Variants in AGBL4 observed in about 807,000 individuals in gnomAD.
AGBL4 encodes the protein AGBL carboxypeptidase 4, also known as cytosolic carboxypeptidase 6.
A neutral mutation model predicts 66.4 loss-of-function variants in AGBL4; 58 were observed. That is an observed-to-expected ratio of 0.87 (90% CI 0.71 to 1.09). The LOEUF is 1.09. Ranked by LOEUF, AGBL4 falls within the 50% of genes least tolerant of loss-of-function variation. AGBL4 has a pLI of 0.00. For missense variants in AGBL4, 579 were observed against 631.0 expected, an observed-to-expected ratio of 0.92 and a Z score of 0.88; for synonymous variants, 234 against 222.9, an observed-to-expected ratio of 1.05 and a Z score of -0.44.
intron 3 of AGBL4, among the ~76,000 whole-genome samples, chr1:49,422,414 T>C (rs1335985802): frequency 6.6e-6 from 1 of 152,234 alleles, no homozygotes; most frequent in Non-Finnish European, 1.5e-5. Flanking sequence ...ATTTTCTTTC[T>C]GAATAAAGTT....
intron 4 of AGBL4, among the ~76,000 whole-genome samples, chr1:49,193,679 C>T (rs1224086647): frequency 4.6e-5 from 7 of 151,612 alleles, no homozygotes; most frequent in Non-Finnish European, 1.0e-4. Flanking sequence ...AGGTGCCCGC[C>T]ACCGTGCCAG....
intron 4 of AGBL4, among the ~76,000 whole-genome samples, chr1:49,056,513 T>A (rs1444877184): frequency 6.6e-6 from 1 of 152,108 alleles, no homozygotes; most frequent in East Asian, 1.9e-4. Context: ...ACAGCAAGCA[T>A]AAAGGTCCAA....
Position 49,621,916 on chromosome 1 carries a change from T to G in AGBL4, c.282+75397A>C, listed in dbSNP as rs567417875. Among the ~76,000 whole-genome samples, 3 of 152,336 alleles carry G rather than the reference T, an allele frequency of 2.0e-5. No homozygotes were observed. The South Asian group carries it at 6.2e-4, about 32-fold the overall frequency. ...GAAACTAATAAAAGGCACATTACTG[T>G]TCTCTTCAGTCCTTTATACTCTTTC... is the stretch of plus-strand genomic sequence containing the variant. On this transcript the variant is annotated intron_variant, in intron 3 of 13. Transcript: ENST00000371839.
At chr1:48,711,058 A>T (rs1646959776) in intron 6 of AGBL4, among the ~76,000 whole-genome samples, 1 of 151,532 alleles carries the variant, frequency 6.6e-6, no homozygotes, top group Non-Finnish European at 1.5e-5. Flanking sequence ...CCTACTGCTC[A>T]CCCCTGATCA....
chr1:48,895,983 G>A (rs887885499), intron 5 of AGBL4, among the ~76,000 whole-genome samples: 1 of 152,180 alleles, frequency 6.6e-6, no homozygotes, highest in Admixed American at 6.5e-5. Context: ...TGTAGTATTG[G>A]AACTAAGTGT....
chr1:49,127,771 T>C (rs1645796491), intron 4 of AGBL4, among the ~76,000 whole-genome samples: 2 of 152,110 alleles, frequency 1.3e-5, no homozygotes, highest in South Asian at 4.1e-4. Flanking sequence ...AAACTATCCG[T>C]AGAGTAAAAA....
intron 1 of AGBL4, among the ~76,000 whole-genome samples, chr1:49,926,895 G>A (rs1571885833): frequency 6.6e-6 from 1 of 152,098 alleles, no homozygotes; most frequent in Non-Finnish European, 1.5e-5. Context: ...TTATTAAGGA[G>A]TATTAATTCA....
At chr1:49,640,065 T>A (rs1407822001) in intron 3 of AGBL4, among the ~76,000 whole-genome samples, 4 of 152,124 alleles carry the variant, frequency 2.6e-5, no homozygotes. Flanking sequence ...AGTGGGGCCA[T>A]CCTCACTGAA....
intron 4 of AGBL4, among the ~76,000 whole-genome samples, chr1:49,125,525 A>G (rs760184409): frequency 8.5e-5 from 13 of 152,196 alleles, no homozygotes; most frequent in Non-Finnish European, 1.6e-4. Context: ...TATATGGAAC[A>G]TAATTAGGAT....
At chr1:49,223,642 G>C (rs556425432) in intron 4 of AGBL4, among the ~76,000 whole-genome samples, 11 of 152,108 alleles carry the variant, frequency 7.2e-5, no homozygotes, top group African/African-American at 2.4e-4. Context: ...TTGGGTATGC[G>C]ACCCTTCTAA....
Position 49,184,599 on chromosome 1 carries a change from G to C in AGBL4, c.377+61171C>G, listed in dbSNP as rs562031997. 2.3e-4 allele frequency among the ~76,000 whole-genome samples: 35 copies of C among 152,308 alleles called. 1 individual carries two copies. In the South Asian group the frequency reaches 7.2e-3, roughly 32 times the overall value. On this transcript the variant is annotated intron_variant, in intron 4 of 13. Transcript: ENST00000371839. ...GAACCCCGATACTAATTAGGGCAAA[G>C]ATGTCTCTCCCTAGACAAAGTCAGG...
intron 6 of AGBL4, among the ~76,000 whole-genome samples, chr1:48,753,623 T>G (rs1458026871): frequency 6.6e-6 from 1 of 152,216 alleles, no homozygotes; most frequent in Non-Finnish European, 1.5e-5. Context: ...CAGGCCACAA[T>G]GGCTTTCTCC....
In AGBL4 at chr1:49,953,579, C is replaced by T. The variant is rs201625725; in HGVS notation, c.34+70184G>A. ...GTTGAGCACGCTTAATCCAAAAATC[C>T]GAAATCCTCCAAAACTGAAACTCTA... On this transcript the variant is annotated intron_variant, in intron 1 of 13. Transcript: ENST00000371839. Among the ~76,000 whole-genome samples the T allele has an allele frequency of 5.3e-5, 8 of 151,588 alleles. No homozygotes were observed. The East Asian group carries it at 1.2e-3, about 22-fold the overall frequency.
chr1:49,644,909 T>A (rs527313740), intron 3 of AGBL4, among the ~76,000 whole-genome samples: 1 of 151,606 alleles, frequency 6.6e-6, no homozygotes, highest in African/African-American at 2.4e-5. Context: ...ACATCAAGGA[T>A]TCAAATCAAG....
intron 6 of AGBL4, among the ~76,000 whole-genome samples, chr1:48,683,296 G>A (rs1646482748): frequency 6.6e-6 from 1 of 152,202 alleles, no homozygotes; most frequent in African/African-American, 2.4e-5. Flanking sequence ...TCCAGCTCCG[G>A]AGAGAAACTC....
rs189998136 is a variant in AGBL4 at position 49,030,200 on chromosome 1, C to T, written c.594+15384G>A. Among the ~76,000 whole-genome samples, 277 of 152,094 alleles carry T rather than the reference C, an allele frequency of 1.8e-3. 2 individuals carry two copies. The highest frequency in any genetic ancestry group is 6.3e-3 in the African/African-American group (263 of 41,492). On this transcript the variant is annotated intron_variant, in intron 5 of 13. Transcript: ENST00000371839. Reference sequence around the variant, plus strand: ...AATGTGATGCTATTAGGAGGTGGGGCCTTTGAGAGGTAATTAGGTCACTGT... The same window carrying T: ...AATGTGATGCTATTAGGAGGTGGGGTCTTTGAGAGGTAATTAGGTCACTGT...
chr1:49,055,128 A>G (rs1043928879), intron 4 of AGBL4, among the ~76,000 whole-genome samples: 1 of 152,056 alleles, frequency 6.6e-6, no homozygotes, highest in Non-Finnish European at 1.5e-5. Context: ...GCTTATTAGT[A>G]GAGTCTTTTG....
intron 1 of AGBL4, among the ~76,000 whole-genome samples, chr1:49,957,967 C>T (rs1011891565): frequency 8.5e-5 from 13 of 152,114 alleles, no homozygotes; most frequent in Admixed American, 7.2e-4. Context: ...ATGGTCTTTA[C>T]AATTTGGCAT....
At chr1:48,816,083 GTGTGTGTGT>G (rs1242113866) in intron 6 of AGBL4, among the ~76,000 whole-genome samples, 150 of 146,070 alleles carry the variant, frequency 1.0e-3, no homozygotes, top group East Asian at 3.0e-3. Flanking sequence ...GTGTGTGTGT[GTGTGTGTGT>G]AGAGAGAAAG....
Sources: gnomAD v4.1 joint callset for allele counts (sites outside exome capture counted in the v4.1 genomes callset) on GRCh38, gnomAD v4.1.1 for gene constraint, MANE v1.5 for transcripts, NCBI Gene and HGNC (gene_info 2026-07-23, HGNC 2026-07-21) for gene names.